The following ASIP variants were observed in gnomAD, a reference collection of about 807,000 sequenced individuals.
The protein encoded by ASIP is agouti signaling protein.
Under a neutral mutation model 10.3 loss-of-function variants are expected in ASIP, and 11 were observed. The ratio of observed to expected loss-of-function variants is 1.07; its 90% CI spans 0.68 to 1.78. The LOEUF (loss-of-function observed/expected upper bound fraction) is 1.78. Ranked by LOEUF, ASIP falls within the 40% of genes most tolerant of loss-of-function variation. The probability of loss-of-function intolerance (pLI) is 0.00; values close to 1 mark genes in which losing one functional copy is unlikely to be tolerated. For synonymous variants in ASIP, 70 were observed against 70.8 expected, an observed-to-expected ratio of 0.99 and a Z score of 0.06; for missense variants, 180 against 169.2, an observed-to-expected ratio of 1.06 and a Z score of -0.35.
upstream of ASIP, among the ~76,000 whole-genome samples, chr20:34,191,922 G>C (rs1171762913): frequency 2.6e-5 from 4 of 151,952 alleles, no homozygotes; most frequent in South Asian, 6.3e-4. Context: ...ATAGAGACGG[G>C]GTTTCACCAT....
chr20:34,247,946 G>A (rs569301706), intron 1 of ASIP, among the ~76,000 whole-genome samples: 18 of 152,228 alleles, frequency 1.2e-4, no homozygotes, highest in African/African-American at 3.6e-4. Context: ...TGGCACATGC[G>A]TGTAATCCCA....
chr20:34,214,058 T>C, intron 1 of ASIP: 1 of 1,277,798 alleles, frequency 7.8e-7, no homozygotes, highest in Non-Finnish European at 1.1e-6. Context: ...TTATTAACAA[T>C]CATCACTCCA....
At chr20:34,192,524 T>C (rs1043334983), upstream of ASIP, among the ~76,000 whole-genome samples, 15 of 150,992 alleles carry the variant, frequency 9.9e-5, no homozygotes, top group African/African-American at 2.7e-4. Flanking sequence ...TCTTCTTCTT[T>C]TTTTTTTTTT....
intron 1 of ASIP, among the ~76,000 whole-genome samples, chr20:34,255,218 TA>T (rs994742797): frequency 6.6e-6 from 1 of 152,230 alleles, no homozygotes; most frequent in African/African-American, 2.4e-5. Context: ...GCTGTCCCAC[TA>T]CCCCTTGGAT....
chr20:34,234,910 GT>G (rs146477800), intron 1 of ASIP: 17,622 of 152,122 alleles, frequency 0.12, 1,074 homozygotes, highest in South Asian at 0.19. Flanking sequence ...CGCATCTCTT[GT>G]TTGCACATTA....
chr20:34,239,022 C>T (rs75867372), upstream of ASIP, among the ~76,000 whole-genome samples: 20 of 152,256 alleles, frequency 1.3e-4, no homozygotes, highest in East Asian at 3.9e-3. Flanking sequence ...GCCATCTTCC[C>T]AGAATACTTT....
At chr20:34,249,413 T>C (rs534398929) in intron 1 of ASIP, among the ~76,000 whole-genome samples, 1 of 152,182 alleles carries the variant, frequency 6.6e-6, no homozygotes, top group African/African-American at 2.4e-5. Context: ...TTATATGACT[T>C]ACTGCTGAAA....
chr20:34,208,787 T>C (rs1460962889), intron 1 of ASIP, among the ~76,000 whole-genome samples: 1 of 152,246 alleles, frequency 6.6e-6, no homozygotes, highest in Non-Finnish European at 1.5e-5. Context: ...ACCTCTTCAA[T>C]TTCTTGAATC....
chr20:34,196,106 A>C (rs1317898336), intron 1 of ASIP, among the ~76,000 whole-genome samples: 1 of 151,998 alleles, frequency 6.6e-6, no homozygotes, highest in Non-Finnish European at 1.5e-5. Context: ...GAGAAATAAA[A>C]GGAGCCAAGA....
At chr20:34,215,712 C>T in intron 1 of ASIP, 1 of 1,438,052 alleles carries the variant, frequency 7.0e-7, no homozygotes, top group East Asian at 2.3e-5. Flanking sequence ...ACTTGATGTT[C>T]CAGTACTTGA....
intron 1 of ASIP, among the ~76,000 whole-genome samples, chr20:34,206,470 T>A (rs1028554991): frequency 6.6e-6 from 1 of 152,266 alleles, no homozygotes; most frequent in Admixed American, 6.5e-5. Flanking sequence ...CTTATCTAAC[T>A]TAATGATGAC....
intron 1 of ASIP, among the ~76,000 whole-genome samples, chr20:34,259,247 G>C (rs1302084660): frequency 6.6e-6 from 1 of 150,938 alleles, no homozygotes; most frequent in Non-Finnish European, 1.5e-5. Context: ...ATATGAGCTT[G>C]AGTTAGAAAA....
At chr20:34,244,793 C>T (rs779722214) in intron 1 of ASIP, among the ~76,000 whole-genome samples, 16 of 152,150 alleles carry the variant, frequency 1.1e-4, no homozygotes, top group African/African-American at 1.7e-4. Context: ...GCTCGAACAA[C>T]TCCTACCAAC....
At chr20:34,199,454 T>C (rs976651469) in intron 1 of ASIP, among the ~76,000 whole-genome samples, 2 of 152,242 alleles carry the variant, frequency 1.3e-5, no homozygotes, top group African/African-American at 4.8e-5. Flanking sequence ...AGATTTGTTT[T>C]TTCTTACATC....
chr20:34,268,880 C>T (rs1020692051), intron 3 of ASIP, 111 bp from the exon 4 acceptor site: 18 of 1,370,310 alleles, frequency 1.3e-5, no homozygotes, highest in Non-Finnish European at 1.6e-5. Flanking sequence ...GGCAAGCCAG[C>T]GGGGAAACCT....
chr20:34,205,572 A>G (rs2034930141), intron 1 of ASIP, among the ~76,000 whole-genome samples: 1 of 147,884 alleles, frequency 6.8e-6, no homozygotes, highest in African/African-American at 2.6e-5. Flanking sequence ...AGGGGACCCA[A>G]ACGGGTTGCT....
chr20:34,222,703 G>A (rs1346982937), intron 1 of ASIP, among the ~76,000 whole-genome samples: 4 of 151,466 alleles, frequency 2.6e-5, no homozygotes, highest in African/African-American at 9.7e-5. Context: ...AAGCTGGACT[G>A]TACTGCTGCC....
At chr20:34,252,579 G>A (rs939455694) in intron 1 of ASIP, among the ~76,000 whole-genome samples, 50 of 152,046 alleles carry the variant, frequency 3.3e-4, no homozygotes, top group African/African-American at 1.2e-3. Flanking sequence ...GGGAATGGTC[G>A]GCTGTACACT....
chr20:34,237,580 A>T (rs2035226974), upstream of ASIP, among the ~76,000 whole-genome samples: 1 of 152,176 alleles, frequency 6.6e-6, no homozygotes, highest in African/African-American at 2.4e-5. Context: ...TACATTTAAG[A>T]TCATATTATC....
Sources: gnomAD v4.1 joint callset for allele counts (sites outside exome capture counted in the v4.1 genomes callset) on GRCh38, gnomAD v4.1.1 for gene constraint, MANE v1.5 for transcripts, NCBI Gene and HGNC (gene_info 2026-07-23, HGNC 2026-07-21) for gene names.